HARS2: variants seen among roughly 807,000 people sequenced by gnomAD.
HARS2 encodes histidine--tRNA ligase, mitochondrial.
In HARS2, 40 loss-of-function variants were observed where a neutral mutation model predicts 62.4. That is an observed-to-expected ratio of 0.64 (90% CI 0.50 to 0.83). The LOEUF (loss-of-function observed/expected upper bound fraction) is 0.83, where lower values mean the gene tolerates loss of function less well. Among genes scored for constraint, HARS2 ranks in the 40% least tolerant of loss-of-function variants. HARS2 has a pLI of 0.00. For missense variants in HARS2, 569 were observed against 626.4 expected (o/e 0.91, Z 0.98); for synonymous variants, 228 against 227.0 (o/e 1.00, Z -0.04).
At position 140,695,607 on chromosome 5, in the gene HARS2, G is replaced by T. The variant is rs1292547992; in HGVS notation, c.499G>T (p.Gly167Cys). The change falls in exon 5 of 13, where the codon GGC (glycine) becomes TGC (cysteine). Residue 167 changes from glycine to cysteine, a missense_variant. Transcript: ENST00000230771. ...GCGAGAGAGCCCAACCATAGTCCAA[G>T]GCCGTTATAGGGAGTTCTGCCAGTG... The part of the protein sequence containing the change: ...WRRESPTIVQ[G>C]RYREFCQCDF... 2 of 1,614,240 alleles carry T rather than the reference G, an allele frequency of 1.2e-6. No individual in the cohort carries two copies. The highest frequency in any genetic ancestry group is 3.3e-5 in the Admixed American group (2 of 60,032).
intron 7 of HARS2, 153 bp downstream of exon 7, chr5:140,696,354 A>G (rs1265425813): frequency 1.5e-5 from 12 of 798,776 alleles, no homozygotes; most frequent in Non-Finnish European, 2.6e-5. Context: ...GATCTGAGTC[A>G]TGCTATACAG....
At chr5:140,696,828 C>CTTTTTTTTTTTTTTTTTTT (rs373912206) in intron 8 of HARS2, 115 bp from the exon 9 acceptor site, 1 of 588,296 alleles carries the variant, frequency 1.7e-6, no homozygotes. Context: ...AGACTGGGAT[C>CTTTTTTTTTTTTTTTTTTT]TTTTTTTTTT....
At chr5:140,696,037 G>T (rs1759728095) in intron 6 of HARS2, 66 bp from the exon 7 acceptor site, 3 of 1,158,870 alleles carry the variant, frequency 2.6e-6, no homozygotes, top group Non-Finnish European at 3.9e-6. Context: ...AGGAAAGTAG[G>T]TACTGCCATT....
intron 10 of HARS2, 73 bp from the exon 11 acceptor site, chr5:140,697,495 CT>C: frequency 6.2e-7 from 1 of 1,604,318 alleles, no homozygotes; most frequent in Non-Finnish European, 8.5e-7. Flanking sequence ...TCTGATGATT[CT>C]TTTTGTCTTG....
Position 140,695,709 on chromosome 5 carries a change from G to GT in HARS2, c.526-23dup, listed in dbSNP as rs768120215. 104 of 1,613,324 alleles carry GT rather than the reference G, an allele frequency of 6.4e-5. No individual in the cohort carries two copies. The African/African-American group carries it at 1.2e-3, about 18-fold the overall frequency. ...CCTTGAAACTGGCTGGATAATGGAT[G>GT]TTTTTTCCCATCTTTTTCTTTGCTG... On this transcript the variant is annotated intron_variant, in intron 5 of 12. Transcript: ENST00000230771.
Position 140,698,051 on chromosome 5 carries a change from G to A in HARS2, c.1434G>A (p.Lys478=), listed in dbSNP as rs752981558. 1.9e-6 allele frequency: 3 copies of A among 1,614,216 alleles called. No homozygotes were observed. The highest frequency in any genetic ancestry group is 2.5e-6 in the Non-Finnish European group (3 of 1,180,022). The part of the protein sequence containing the change: ...GEQELKEGVI[K]IRSVASREEV... ...AAGAACTGAAAGAAGGGGTCATCAA[G>A]ATCCGTTCAGTGGCCAGCAGAGAGG... Residue 478 remains lysine, a synonymous_variant, in exon 12 of 13, where the codon AAG becomes AAA. Coordinates refer to ENST00000230771, the MANE Select transcript of HARS2 (RefSeq NM_012208.4).
intron 1 of HARS2, 129 bp downstream of exon 1, chr5:140,691,885 G>C (rs1759505962): frequency 1.5e-6 from 1 of 689,172 alleles, no homozygotes; most frequent in Non-Finnish European, 2.6e-6. Flanking sequence ...TACTGACACT[G>C]AACTAAGCGA....
chr5:140,698,226 G>A, intron 12 of HARS2, 148 bp downstream of exon 12: 1 of 871,890 alleles, frequency 1.1e-6, no homozygotes. Context: ...GACCATTGCT[G>A]CCTGTGAGTA....
In HARS2 at chr5:140,691,462, C is replaced by G. The variant is rs537319282; in HGVS notation, c.-187C>G. The G allele has an allele frequency of 1.1e-4, 80 of 715,208 alleles. No individual in the cohort carries two copies. The South Asian group carries it at 1.3e-3, about 12-fold the overall frequency. The allele number at this position is 715,208 out of a possible 1,614,324, so 44.3% of individuals were successfully genotyped here. On this transcript the variant is annotated 5_prime_UTR_variant, in exon 1 of 13. Coordinates refer to ENST00000230771, the MANE Select transcript of HARS2 (RefSeq NM_012208.4). ...CCGGCTCCTCCCGGAAGTGCCGAAG[C>G]TGGCTACTAAGGGAACTTGGGAGGA...
chr5:140,691,491 CA>C lies in HARS2; in HGVS notation c.-157del, dbSNP rs1201755494. The C allele has an allele frequency of 1.4e-6, 1 of 722,660 alleles. No individual in the cohort carries two copies. Among genetic ancestry groups the C allele is most frequent in the African/African-American group, 1.7e-5 (1 of 57,376 alleles). 44.8% of individuals were successfully genotyped at this position (722,660 alleles called of 1,614,324 possible). ...CTACTAAGGGAACTTGGGAGGATCC[CA>C]CCTCAGCCTTCGTGACTAGTGAGGT... is the stretch of plus-strand genomic sequence containing the variant. On this transcript the variant is annotated 5_prime_UTR_variant, in exon 1 of 13. Transcript: ENST00000230771.
In HARS2 at chr5:140,693,929, TTCCAGGGTACCAGGGA is replaced by T; in HGVS notation, c.184-3_196del. The T allele has an allele frequency of 6.2e-7, 1 of 1,614,172 alleles. No individual in the cohort carries two copies. Among genetic ancestry groups the T allele is most frequent in the Non-Finnish European group, 8.5e-7 (1 of 1,180,028 alleles). ...TGTTTTCACTATGGCTGCTTTTGGT[TTCCAGGGTACCAGGGA>T]TCTTAGTCCTCAGCATATGGTTGTG... On this transcript the variant is annotated splice_acceptor_variant and splice_polypyrimidine_tract_variant and coding_sequence_variant and intron_variant, in exon 3 of 13. Transcript: ENST00000230771. LOFTEE classifies it high-confidence loss of function.
rs1391674596 is a variant in HARS2, at chr5:140,691,821, C to T, written c.108+65C>T. The T allele has an allele frequency of 3.6e-6, 4 of 1,121,836 alleles. No individual in the cohort carries two copies. In the African/African-American group the frequency reaches 4.6e-5, roughly 13 times the overall value. The allele number at this position is 1,121,836 out of a possible 1,614,324, so 69.5% of individuals were successfully genotyped here. On this transcript the variant is annotated intron_variant, in intron 1 of 12. Transcript: ENST00000230771. ...GTCTCCAGATCTGAACGCATAGCCT[C>T]GCGGCCTGTATTCCAGTAGTGTTAC... is the stretch of plus-strand genomic sequence containing the variant.
chr5:140,693,653 C>T lies in HARS2; in HGVS notation c.171C>T (p.Ile57=), dbSNP rs1204831145. ...ATCAAGAGAAACCAAATTTTATTAT[C>T]AAGACCCCAAAGGTAATACTTTTTG... ...KAHQEKPNFI[I]KTPKGTRDLS... is the part of the protein sequence containing the mutation. Residue 57 remains isoleucine (I), a synonymous_variant, in exon 2 of 13, where the codon ATC becomes ATT. Coordinates refer to ENST00000230771, the MANE Select transcript of HARS2 (RefSeq NM_012208.4). 1 of 1,613,452 alleles carries T rather than the reference C, an allele frequency of 6.2e-7. No individual in the cohort carries two copies. Among genetic ancestry groups the T allele is most frequent in the Non-Finnish European group, 8.5e-7 (1 of 1,179,374 alleles).
At position 140,697,281 on chromosome 5, in the gene HARS2, G is replaced by A; in HGVS notation, c.1072G>A (p.Val358Met). ...AGEEPLNVGSVAAGGRYDGLV... is the reference protein window; with the variant it reads ...AGEEPLNVGSMAAGGRYDGLV... ...GGAGGAGCCCCTGAATGTGGGCAGT[G>A]TGGCTGCTGGTGGGCGCTATGATGG... The change falls in exon 10 of 13, where the codon GTG (valine) becomes ATG (methionine). Residue 358 changes from valine (V) to methionine (M), a missense_variant. By Grantham distance (21) the Val-to-Met change is conservative. Transcript: ENST00000230771. 6.2e-7 allele frequency: 1 copy of A among 1,614,228 alleles called. No individual in the cohort carries two copies. The highest frequency in any genetic ancestry group is 1.3e-5 in the African/African-American group (1 of 75,058).
Position 140,693,968 on chromosome 5 carries a change from G to T in HARS2, c.217G>T (p.Val73Leu). The T allele has an allele frequency of 6.2e-7, 1 of 1,613,888 alleles. No homozygotes were observed. The highest frequency in any genetic ancestry group is 8.5e-7 in the Non-Finnish European group (1 of 1,179,752). Reference protein sequence around the residue: ...TRDLSPQHMVVREKILDLVIS... With the variant: ...TRDLSPQHMVLREKILDLVIS... ...GGATCTTAGTCCTCAGCATATGGTT[G>T]TGAGGGAGAAAATTCTTGATTTGGT... Residue 73 changes from valine to leucine, a missense_variant, in exon 3 of 13, where the codon GTG (valine) becomes TTG (leucine). Val to Leu is a conservative substitution (Grantham distance 32, BLOSUM62 1). Transcript: ENST00000230771.
intron 6 of HARS2, 70 bp downstream of exon 6, chr5:140,695,915 C>G (rs768928438): frequency 1.9e-5 from 23 of 1,201,720 alleles, no homozygotes; most frequent in Non-Finnish European, 2.7e-5. Context: ...AAGTCCCAAA[C>G]TTGGGTGACT....
Position 140,698,644 on chromosome 5 carries a change from C to T in HARS2, c.*92C>T. ...AATTGAGTGATGGACTTCACAACAA[C>T]TAGCCAGGAAGGGTGACAAGTACCT... On this transcript the variant is annotated 3_prime_UTR_variant, in exon 13 of 13. Transcript: ENST00000230771. 1 of 1,022,930 alleles carries T rather than the reference C, an allele frequency of 9.8e-7. No homozygotes were observed. The highest frequency in any genetic ancestry group is 1.3e-5 in the South Asian group (1 of 79,382). 63.4% of individuals were successfully genotyped at this position (1,022,930 alleles called of 1,614,324 possible).
chr5:140,691,591 C>T lies in HARS2; in HGVS notation c.-58C>T. 1 of 1,178,072 alleles carries T rather than the reference C, an allele frequency of 8.5e-7. No individual in the cohort carries two copies. Among genetic ancestry groups the T allele is most frequent in the Non-Finnish European group, 1.2e-6 (1 of 809,292 alleles). The allele number at this position is 1,178,072 out of a possible 1,614,324, so 73.0% of individuals were successfully genotyped here. ...GCCCTCCACCCTTCCTGGTGTCTGA[C>T]CCGCCTCCTTCCCAGGCCTTTTGTT... On this transcript the variant is annotated 5_prime_UTR_variant, in exon 1 of 13. Coordinates refer to ENST00000230771, the MANE Select transcript of HARS2 (RefSeq NM_012208.4).
Position 140,696,562 on chromosome 5 carries a change from AGGCCT to A in HARS2, c.778_782del (p.Leu260SerfsTer2). 6.2e-7 allele frequency: 1 copy of A among 1,613,974 alleles called. No individual in the cohort carries two copies. Among genetic ancestry groups the A allele is most frequent in the Non-Finnish European group, 8.5e-7 (1 of 1,179,838 alleles). On this transcript the variant is annotated frameshift_variant, in exon 8 of 13. Coordinates refer to ENST00000230771, the MANE Select transcript of HARS2 (RefSeq NM_012208.4). LOFTEE classifies it high-confidence loss of function. ...TGAGACATGAGATGGTGGTGAAGAA[AGGCCT>A]GGCTCCTGAGGTGGCTGATCGAATT...
Sources: gnomAD v4.1 joint callset for allele counts on GRCh38, gnomAD v4.1.1 for gene constraint, MANE v1.5 for transcripts, NCBI Gene and HGNC (gene_info 2026-07-23, HGNC 2026-07-21) for gene names.